The following TAPT1 variants were observed in gnomAD, a reference collection of about 807,000 sequenced individuals.
TAPT1 encodes transmembrane anterior posterior transformation 1.
In TAPT1, 28 loss-of-function variants were observed where a neutral mutation model predicts 65.6. That is an observed-to-expected ratio of 0.43 (90% confidence interval 0.32 to 0.59). The LOEUF (loss-of-function observed/expected upper bound fraction) is 0.59. Among genes scored for constraint, TAPT1 ranks in the 20% least tolerant of loss-of-function variants. The probability of loss-of-function intolerance (pLI) is 0.09; values close to 1 mark genes in which losing one functional copy is unlikely to be tolerated. For missense variants in TAPT1, 563 were observed against 679.9 expected (o/e 0.83, Z 1.91); for synonymous variants, 278 against 245.2 (o/e 1.13, Z -1.25).
In TAPT1 at chr4:16,176,116, T is replaced by A; in HGVS notation, c.1107+3A>T. On this transcript the variant is annotated splice_donor_region_variant and intron_variant, in intron 9 of 13. Coordinates refer to ENST00000405303, the MANE Select transcript of TAPT1 (RefSeq NM_153365.3). Reference sequence around the variant, plus strand: ...ACATTGAAGTGCATATCAAAATACATACATCTGCAGTAATGTCATTGAATT... The same window carrying A: ...ACATTGAAGTGCATATCAAAATACAAACATCTGCAGTAATGTCATTGAATT... 7.0e-7 allele frequency: 1 copy of A among 1,423,066 alleles called. No homozygotes were observed. Among genetic ancestry groups the A allele is most frequent in the Non-Finnish European group, 9.5e-7 (1 of 1,047,302 alleles). 88.2% of individuals were successfully genotyped at this position (1,423,066 alleles called of 1,614,324 possible). A position where few individuals can be genotyped will look rare whatever the true frequency, so the allele number is the denominator to read the frequency against.
intron 1 of TAPT1, among the ~76,000 whole-genome samples, chr4:16,214,903 G>A (rs1312671602): frequency 6.6e-6 from 1 of 152,182 alleles, no homozygotes; most frequent in Non-Finnish European, 1.5e-5. Flanking sequence ...AGGGAGGAAG[G>A]TTGATTTCAT....
chr4:16,171,652 TCTCA>T (rs1481508814), intron 11 of TAPT1, among the ~76,000 whole-genome samples: 1 of 152,186 alleles, frequency 6.6e-6, no homozygotes, highest in Non-Finnish European at 1.5e-5. Context: ...TTCAATAAAC[TCTCA>T]CTATGAGAAA....
At chr4:16,214,088 T>C (rs1750795491) in intron 1 of TAPT1, among the ~76,000 whole-genome samples, 190 bp from the exon 2 acceptor site, 2 of 152,236 alleles carry the variant, frequency 1.3e-5, no homozygotes. Flanking sequence ...CTTTGTGGTA[T>C]AACCTGAAAA....
intron 2 of TAPT1, among the ~76,000 whole-genome samples, chr4:16,207,160 C>T (rs1750395353): frequency 6.6e-6 from 1 of 152,198 alleles, no homozygotes; most frequent in African/African-American, 2.4e-5. Context: ...GCAAGAGCTG[C>T]ATTATGAGAA....
chr4:16,179,804 G>GTGTATATATATATATATATATATATATA (rs1553825039), intron 7 of TAPT1, 147 bp from the exon 8 acceptor site: 7 of 110,910 alleles, frequency 6.3e-5, no homozygotes, highest in African/African-American at 2.8e-4. Context: ...ATATATATAT[G>GTGTATATATATATATATATATATATATA]TGTGTGTGTG....
At chr4:16,163,981 A>G (rs1747419789) in intron 13 of TAPT1, among the ~76,000 whole-genome samples, 2 of 152,176 alleles carry the variant, frequency 1.3e-5, no homozygotes, top group Non-Finnish European at 1.5e-5. Flanking sequence ...TAGCATCATC[A>G]TCTCTGGGAA....
rs548962485 is a variant in TAPT1 at position 16,161,398 on chromosome 4, C to T, written c.*1910G>A. On this transcript the variant is annotated 3_prime_UTR_variant, in exon 14 of 14. Transcript: ENST00000405303. ...CAGAAGAAATGAACATAATCCCGAA[C>T]TCCCAACAGCATCTGCAAAGGAATG... 1 of 152,774 alleles carries T rather than the reference C, an allele frequency of 6.5e-6. No individual in the cohort carries two copies. Among genetic ancestry groups the T allele is most frequent in the Non-Finnish European group, 1.5e-5 (1 of 68,030 alleles). 9.5% of individuals were successfully genotyped at this position (152,774 alleles called of 1,614,324 possible).
chr4:16,190,091 C>G (rs528022221), intron 4 of TAPT1: 1 of 152,314 alleles, frequency 6.6e-6, no homozygotes, highest in East Asian at 1.9e-4. Context: ...AATCAGGTAG[C>G]TGGGGTATGG....
chr4:16,165,386 T>C (rs751189241), intron 13 of TAPT1, among the ~76,000 whole-genome samples: 6 of 151,682 alleles, frequency 4.0e-5, no homozygotes, highest in African/African-American at 1.2e-4. Context: ...CTGGCTAACA[T>C]GGTGAAACCC....
rs530624502 is a variant in TAPT1, at chr4:16,212,373, C to T, written c.330+1395G>A. ...TCCCACTTCCCCTGCACTGTGTCCTCACACTTCCATCTCATGGCTTATTGC... is the reference window on the plus strand; with the variant it reads ...TCCCACTTCCCCTGCACTGTGTCCTTACACTTCCATCTCATGGCTTATTGC... On this transcript the variant is annotated intron_variant, in intron 2 of 13. Coordinates refer to ENST00000405303, the MANE Select transcript of TAPT1 (RefSeq NM_153365.3). Among the ~76,000 whole-genome samples, 11 of 152,340 alleles carry T rather than the reference C, an allele frequency of 7.2e-5. No homozygotes were observed. In the South Asian group the frequency reaches 1.0e-3, roughly 14 times the overall value.
chr4:16,216,374 T>C (rs139225263), intron 1 of TAPT1, among the ~76,000 whole-genome samples: 108 of 152,364 alleles, frequency 7.1e-4, no homozygotes, highest in African/African-American at 2.5e-3. Context: ...CTCTGTTTCC[T>C]ACACATGCTT....
chr4:16,226,145 G>A (rs1751542334), intron 1 of TAPT1, 114 bp downstream of exon 1: 7 of 1,028,620 alleles, frequency 6.8e-6, no homozygotes, highest in Non-Finnish European at 8.2e-6. Context: ...GGGGAGCCCC[G>A]GGAGGCAACG....
chr4:16,195,522 T>TA (rs979902899), intron 3 of TAPT1, among the ~76,000 whole-genome samples: 2 of 152,206 alleles, frequency 1.3e-5, no homozygotes, highest in African/African-American at 4.8e-5. Flanking sequence ...TAACAAAACT[T>TA]AAACATTTTT....
At position 16,208,759 on chromosome 4, in the gene TAPT1, C is replaced by A. The variant is rs189115483; in HGVS notation, c.330+5009G>T. On this transcript the variant is annotated intron_variant, in intron 2 of 13. Coordinates refer to ENST00000405303, the MANE Select transcript of TAPT1 (RefSeq NM_153365.3). ...TTAAATGACTGTTAGCCAGCTTTTC[C>A]ATTCTATACAGCTAAAAGCATTCCT... 5.9e-5 allele frequency among the ~76,000 whole-genome samples: 9 copies of A among 152,312 alleles called. No homozygotes were observed. In the East Asian group the frequency reaches 1.7e-3, roughly 29 times the overall value.
At chr4:16,190,972 G>A (rs763984227) in intron 4 of TAPT1, 7 of 167,030 alleles carry the variant, frequency 4.2e-5, no homozygotes, top group Non-Finnish European at 6.5e-5. Flanking sequence ...TCTAGCATGG[G>A]TTTCTAATGA....
chr4:16,190,352 T>TC (rs1340527678), intron 4 of TAPT1: 5 of 152,022 alleles, frequency 3.3e-5, no homozygotes, highest in South Asian at 2.1e-4. Flanking sequence ...TTTTTTTTTT[T>TC]CCCCGAGATG....
intron 12 of TAPT1, 136 bp from the exon 13 acceptor site, chr4:16,166,929 C>T (rs1183768830): frequency 1.4e-6 from 1 of 731,164 alleles, no homozygotes; most frequent in Non-Finnish European, 2.1e-6. Flanking sequence ...GGAACTTACA[C>T]AAATCTTGAG....
intron 2 of TAPT1, among the ~76,000 whole-genome samples, chr4:16,211,042 GTGTT>G (rs112682702): frequency 0.081 from 11,905 of 146,364 alleles, 565 homozygotes; most frequent in Middle Eastern, 0.17. Flanking sequence ...AAAAATTGGG[GTGTT>G]TTTTTTTTCA....
intron 11 of TAPT1, 91 bp downstream of exon 11, chr4:16,174,113 C>T (rs896759135): frequency 3.1e-5 from 34 of 1,111,464 alleles, no homozygotes; most frequent in Non-Finnish European, 4.3e-5. Flanking sequence ...ATATCAAGTC[C>T]TTTTGAAACA....
Sources: allele counts gnomAD v4.1 joint callset (sites outside exome capture counted in the v4.1 genomes callset), GRCh38; gene constraint gnomAD v4.1.1; transcripts MANE v1.5; gene names NCBI Gene and HGNC (gene_info 2026-07-23, HGNC 2026-07-21).